Variants in DCAF8L1 observed in about 807,000 individuals in gnomAD.
DCAF8L1 encodes DDB1 and CUL4 associated factor 8 like 1, also known as DDB1- and CUL4-associated factor 8-like protein 1.
For missense variants in DCAF8L1, 434 were observed against 481.6 expected (o/e 0.90, Z 0.92); for synonymous variants, 217 against 186.8 (o/e 1.16, Z -1.32).
Position 27,980,655 on chromosome X carries a change from C to T in DCAF8L1, c.680G>A (p.Arg227Gln), listed in dbSNP as rs139420081. ...DLRVIVWDWV[R>Q]QKPVLNFESG... ...CTCAAAGTTCAGTACTGGCTTCTGC[C>T]GCACCCAGTCCCACACTATCACCCT... Residue 227 changes from arginine to glutamine, a missense_variant, in exon 1 of 1, where the codon CGG (arginine) becomes CAG (glutamine). By Grantham distance (43) the Arg-to-Gln change is conservative. Coordinates refer to ENST00000441525, the MANE Select transcript of DCAF8L1 (RefSeq NM_001017930.2). 4 of 1,210,535 alleles carry T rather than the reference C, an allele frequency of 3.3e-6. No individual in the cohort carries two copies. The African/African-American group carries it at 5.2e-5, about 16-fold the overall frequency.
Position 27,979,384 on chromosome X carries a change from TAAGTTGTGTATGC to T in DCAF8L1, c.*135_*147del. Reference sequence around the variant, plus strand: ...GGGAACAAAGGAAAAGAGGCATAAATAAGTTGTGTATGCACTCATATAAGGGGTAACAAAAACA... The same window carrying T: ...GGGAACAAAGGAAAAGAGGCATAAATACTCATATAAGGGGTAACAAAAACA... On this transcript the variant is annotated 3_prime_UTR_variant, in exon 1 of 1. Transcript: ENST00000441525. The T allele has an allele frequency of 1.4e-6, 1 of 721,339 alleles. No homozygotes were observed. The highest frequency in any genetic ancestry group is 1.9e-6 in the Non-Finnish European group (1 of 532,461). 59.4% of individuals were successfully genotyped at this position (721,339 alleles called of 1,213,427 possible). A position where few individuals can be genotyped will look rare whatever the true frequency, so the allele number is the denominator to read the frequency against.
chrX:27,980,432 C>G lies in DCAF8L1; in HGVS notation c.903G>C (p.Lys301Asn). The G allele has an allele frequency of 1.7e-6, 2 of 1,212,116 alleles. No individual in the cohort carries two copies. The highest frequency in any genetic ancestry group is 2.2e-6 in the Non-Finnish European group (2 of 895,610). Residue 301 changes from lysine (K) to asparagine (N), a missense_variant, in exon 1 of 1, where the codon AAG becomes AAC. By Grantham distance (94) the Lys-to-Asn change is moderately conservative. Coordinates refer to ENST00000441525, the MANE Select transcript of DCAF8L1 (RefSeq NM_001017930.2). Reference sequence around the variant, plus strand: ...CGGCATCTTCACCTGAAGTGAGGAACTTATAAGGAGAGTCTGGCTCCAGAG... The same window carrying G: ...CGGCATCTTCACCTGAAGTGAGGAAGTTATAAGGAGAGTCTGGCTCCAGAG... ...ELALEPDSPYKFLTSGEDAVV... is the reference protein window; with the variant it reads ...ELALEPDSPYNFLTSGEDAVV...
chrX:27,979,675 G>C lies in DCAF8L1; in HGVS notation c.1660C>G (p.His554Asp), dbSNP rs1926595064. 1.7e-6 allele frequency: 2 copies of C among 1,211,695 alleles called. No individual in the cohort carries two copies. The highest frequency in any genetic ancestry group is 1.7e-5 in the African/African-American group (1 of 57,797). Residue 554 changes from histidine (H) to aspartate (D), a missense_variant, in exon 1 of 1, where the codon CAC becomes GAC. His to Asp is a moderately conservative substitution (Grantham distance 81). Transcript: ENST00000441525. ...DNRMLRFFVR[H>D]LLQRAHQPGW... ...GGTTGATGAGCTCTCTGTAACAGGTGACGCACGAAGAACCGAAGCATGCGG... is the reference window on the plus strand; with the variant it reads ...GGTTGATGAGCTCTCTGTAACAGGTCACGCACGAAGAACCGAAGCATGCGG...
Position 27,979,565 on chromosome X carries a change from C to G in DCAF8L1, c.1770G>C (p.Glu590Asp), listed in dbSNP as rs750231027. 9.1e-6 allele frequency: 11 copies of G among 1,207,764 alleles called. No individual in the cohort carries two copies. In the African/African-American group the frequency reaches 1.9e-4, roughly 21 times the overall value. ...SSSTSDTSEE[E>D]GQDRVQCIPS ...GTATGCACTGCACTCGATCTTGGCC[C>G]TCCTCCTCGGATGTATCTGAGGTGC... The change falls in exon 1 of 1, where the codon GAG (glutamate) becomes GAC (aspartate). Residue 590 changes from glutamate (E) to aspartate (D), a missense_variant. Physicochemically the swap from Glu to Asp is conservative, Grantham distance 45. Transcript: ENST00000441525.
chrX:27,980,380 C>T lies in DCAF8L1; in HGVS notation c.955G>A (p.Asp319Asn). The T allele has an allele frequency of 8.3e-7, 1 of 1,212,121 alleles. No individual in the cohort carries two copies. Among genetic ancestry groups the T allele is most frequent in the Non-Finnish European group, 1.1e-6 (1 of 895,599 alleles). ...AVVFTIDLRQ[D>N]RPASKVVVTR... ...ACCACAACTTTTGAAGCTGGCCGGTCTTGCCTGAGGTCAATGGTGAACACA... is the reference window on the plus strand; with the variant it reads ...ACCACAACTTTTGAAGCTGGCCGGTTTTGCCTGAGGTCAATGGTGAACACA... Residue 319 changes from aspartate (D) to asparagine (N), a missense_variant, in exon 1 of 1, where the codon GAC (aspartate) becomes AAC (asparagine). Asp to Asn is a conservative substitution (Grantham distance 23). Transcript: ENST00000441525.
chrX:27,981,033 T>A lies in DCAF8L1; in HGVS notation c.302A>T (p.Glu101Val). Reference sequence around the variant, plus strand: ...CTCCTCCATCTCTTCTTCTTCCTCCTCCCTTTCTGTCTCCTCTCCCACTAA... The same window carrying A: ...CTCCTCCATCTCTTCTTCTTCCTCCACCCTTTCTGTCTCCTCTCCCACTAA... The part of the protein sequence containing the change: ...YPLVGEETER[E>V]EEEEEMEEEG... The change falls in exon 1 of 1, where the codon GAG (glutamate) becomes GTG (valine). Residue 101 changes from glutamate to valine, a missense_variant. Glu to Val is a moderately radical substitution (Grantham distance 121). Coordinates refer to ENST00000441525, the MANE Select transcript of DCAF8L1 (RefSeq NM_001017930.2). The A allele has an allele frequency of 8.3e-7, 1 of 1,211,645 alleles. No homozygotes were observed. Among genetic ancestry groups the A allele is most frequent in the South Asian group, 1.8e-5 (1 of 57,000 alleles).
Position 27,980,723 on chromosome X carries a change from A to G in DCAF8L1, c.612T>C (p.Phe204=), listed in dbSNP as rs1440813776. 4 of 1,209,758 alleles carry G rather than the reference A, an allele frequency of 3.3e-6. No homozygotes were observed. Among genetic ancestry groups the G allele is most frequent in the Non-Finnish European group, 4.5e-6 (4 of 894,976 alleles). Residue 204 remains phenylalanine (F), a synonymous_variant, in exon 1 of 1, where the codon TTT becomes TTC. Coordinates refer to ENST00000441525, the MANE Select transcript of DCAF8L1 (RefSeq NM_001017930.2). Reference sequence around the variant, plus strand: ...TGGCCAGTCGGGTGCCACGCTGGTTAAAGTGTATGGTACTGACAGAACCGG... The same window carrying G: ...TGGCCAGTCGGGTGCCACGCTGGTTGAAGTGTATGGTACTGACAGAACCGG... ...SHAGSVSTIH[F]NQRGTRLASS...
rs1926656429 is a variant in DCAF8L1, at chrX:27,981,438, C to T, written c.-104G>A. The T allele has an allele frequency of 2.4e-5, 25 of 1,059,279 alleles. No individual in the cohort carries two copies. In the South Asian group the frequency reaches 5.5e-4, roughly 23 times the overall value. 87.3% of individuals were successfully genotyped at this position (1,059,279 alleles called of 1,213,427 possible). A position where few individuals can be genotyped will look rare whatever the true frequency, so the allele number is the denominator to read the frequency against. ...CCCGAGGACGGACGGTCGGAGAAGG[C>T]AGTAGGTAAGCAGCAAAGAGACACC... On this transcript the variant is annotated 5_prime_UTR_variant, in exon 1 of 1. Coordinates refer to ENST00000441525, the MANE Select transcript of DCAF8L1 (RefSeq NM_001017930.2).
In DCAF8L1 at chrX:27,980,817, A is replaced by T; in HGVS notation, c.518T>A (p.Val173Glu). The T allele has an allele frequency of 8.3e-7, 1 of 1,210,183 alleles. No individual in the cohort carries two copies. Among genetic ancestry groups the T allele is most frequent in the East Asian group, 3.0e-5 (1 of 33,687 alleles). Residue 173 changes from valine to glutamate, a missense_variant, in exon 1 of 1, where the codon GTA becomes GAA. Coordinates refer to ENST00000441525, the MANE Select transcript of DCAF8L1 (RefSeq NM_001017930.2). ...QRQLGSSARF[V>E]YEACGARTFV... ...GGTTCTTGCCCCACAGGCCTCATAT[A>T]CAAAGCGGGCACTTGAACCCAGCTG...
Position 27,979,508 on chromosome X carries a change from C to G in DCAF8L1, c.*24G>C. ...AAAGTCCAGTGTACTTAGGTGGCAT[C>G]TAGCTGGACTGGATATGAGGCCTTC... On this transcript the variant is annotated 3_prime_UTR_variant, in exon 1 of 1. Coordinates refer to ENST00000441525, the MANE Select transcript of DCAF8L1 (RefSeq NM_001017930.2). 4 of 1,156,811 alleles carry G rather than the reference C, an allele frequency of 3.5e-6. No individual in the cohort carries two copies. The highest frequency in any genetic ancestry group is 1.8e-5 in the African/African-American group (1 of 55,966).
At position 27,979,766 on chromosome X, in the gene DCAF8L1, A is replaced by T. The variant is rs1280717513; in HGVS notation, c.1569T>A (p.Asp523Glu). The change falls in exon 1 of 1, where the codon GAT (aspartate) becomes GAA (glutamate). Residue 523 changes from aspartate (D) to glutamate (E), a missense_variant. Transcript: ENST00000441525. ...KTATELTGLK[D>E]VIKKNKQERD... ...GCTCCTGCTTGTTCTTCTTAATCACATCTTTTAACCCAGTAAGCTCAGTGG... is the reference window on the plus strand; with the variant it reads ...GCTCCTGCTTGTTCTTCTTAATCACTTCTTTTAACCCAGTAAGCTCAGTGG... 26 of 1,208,220 alleles carry T rather than the reference A, an allele frequency of 2.2e-5. No individual in the cohort carries two copies. Among genetic ancestry groups the T allele is most frequent in the Non-Finnish European group, 2.8e-5 (25 of 894,521 alleles).
rs749300787 is a variant in DCAF8L1 at position 27,981,010 on chromosome X, C to T, written c.325G>A (p.Glu109Lys). ...GGCTGTTCTTCCTCCTCCCCTTCCT[C>T]CTCCATCTCTTCTTCTTCCTCCTCC... ...EREEEEEEME[E>K]EGEEEEQPRM... The change falls in exon 1 of 1, where the codon GAG (glutamate) becomes AAG (lysine). Residue 109 changes from glutamate to lysine, a missense_variant. Physicochemically the swap from Glu to Lys is moderately conservative, Grantham distance 56. Transcript: ENST00000441525. 1.7e-5 allele frequency: 21 copies of T among 1,212,013 alleles called. No homozygotes were observed. In the South Asian group the frequency reaches 3.7e-4, roughly 21 times the overall value.
rs1465260468 is a variant in DCAF8L1 at position 27,979,572 on chromosome X, T to A, written c.1763A>T (p.Glu588Val). 8.3e-7 allele frequency: 1 copy of A among 1,208,907 alleles called. No homozygotes were observed. The highest frequency in any genetic ancestry group is 1.1e-6 in the Non-Finnish European group (1 of 894,553). Residue 588 changes from glutamate (E) to valine (V), a missense_variant, in exon 1 of 1, where the codon GAG becomes GTG. Glu to Val is a moderately radical substitution (Grantham distance 121). Coordinates refer to ENST00000441525, the MANE Select transcript of DCAF8L1 (RefSeq NM_001017930.2). ...CTGCACTCGATCTTGGCCCTCCTCC[T>A]CGGATGTATCTGAGGTGCTGGAAGA... ...DESSSTSDTS[E>V]EEGQDRVQCI... is the part of the protein sequence containing the mutation.
chrX:27,979,109 C>T lies in DCAF8L1; in HGVS notation c.*423G>A, dbSNP rs902616898. 1.7e-5 allele frequency: 5 copies of T among 302,058 alleles called. No individual in the cohort carries two copies. The Admixed American group carries it at 2.1e-4, about 13-fold the overall frequency. 24.9% of individuals were successfully genotyped at this position (302,058 alleles called of 1,213,427 possible). ...TAATCTACACACTACTTCTCTTTTC[C>T]TTTTCTGAGACTGTGTGTATGTGTG... On this transcript the variant is annotated 3_prime_UTR_variant, in exon 1 of 1. Transcript: ENST00000441525.
chrX:27,979,264 G>A lies in DCAF8L1; in HGVS notation c.*268C>T, dbSNP rs1602933338. The stretch of plus-strand genomic sequence containing the variant: ...TGGTAAAAAATGAAAAAACTAAAAA[G>A]TAATAGCTTTCAGAATGTCTGAAAT... On this transcript the variant is annotated 3_prime_UTR_variant, in exon 1 of 1. Coordinates refer to ENST00000441525, the MANE Select transcript of DCAF8L1 (RefSeq NM_001017930.2). 3.2e-6 allele frequency: 1 copy of A among 316,869 alleles called. No individual in the cohort carries two copies. Among genetic ancestry groups the A allele is most frequent in the Non-Finnish European group, 5.3e-6 (1 of 187,976 alleles). The allele number at this position is 316,869 out of a possible 1,213,427, so 26.1% of individuals were successfully genotyped here. A position where few individuals can be genotyped will look rare whatever the true frequency, so the allele number is the denominator to read the frequency against.
rs1416083266 is a variant in DCAF8L1 at position 27,980,630 on chromosome X, C to T, written c.705G>A (p.Glu235=). Residue 235 remains glutamate, a synonymous_variant, in exon 1 of 1, where the codon GAG becomes GAA. Coordinates refer to ENST00000441525, the MANE Select transcript of DCAF8L1 (RefSeq NM_001017930.2). The part of the protein sequence containing the change: ...WVRQKPVLNF[E]SGHDINVIQA... ...GGATGACATTAATATCGTGACCACT[C>T]TCAAAGTTCAGTACTGGCTTCTGCC... 1.6e-6 allele frequency: 2 copies of T among 1,212,267 alleles called. No homozygotes were observed. The highest frequency in any genetic ancestry group is 2.2e-5 in the Admixed American group (1 of 46,080).
chrX:27,978,737 A>G lies in DCAF8L1; in HGVS notation c.*795T>C. Reference sequence around the variant, plus strand: ...GAATTATCTGGTTAGGAATTCATCTACACACTACTTCTTGTTTTCCTTTTC... The same window carrying G: ...GAATTATCTGGTTAGGAATTCATCTGCACACTACTTCTTGTTTTCCTTTTC... On this transcript the variant is annotated 3_prime_UTR_variant, in exon 1 of 1. Coordinates refer to ENST00000441525, the MANE Select transcript of DCAF8L1 (RefSeq NM_001017930.2). 2.1e-6 allele frequency: 1 copy of G among 466,671 alleles called. No individual in the cohort carries two copies. The highest frequency in any genetic ancestry group is 3.5e-6 in the Non-Finnish European group (1 of 284,282). 38.5% of individuals were successfully genotyped at this position (466,671 alleles called of 1,213,427 possible).
Position 27,980,742 on chromosome X carries a change from G to T in DCAF8L1, c.593C>A (p.Ser198Tyr). ...CTGGTTAAAGTGTATGGTACTGACAGAACCGGCATGGCTTCCAAGAAGATA... is the reference window on the plus strand; with the variant it reads ...CTGGTTAAAGTGTATGGTACTGACATAACCGGCATGGCTTCCAAGAAGATA... ...LQYLLGSHAGSVSTIHFNQRG... is the reference protein window; with the variant it reads ...LQYLLGSHAGYVSTIHFNQRG... Residue 198 changes from serine to tyrosine, a missense_variant, in exon 1 of 1, where the codon TCT (serine) becomes TAT (tyrosine). Physicochemically the swap from Ser to Tyr is moderately radical, Grantham distance 144 (BLOSUM62 -2). Transcript: ENST00000441525. 8.3e-7 allele frequency: 1 copy of T among 1,210,559 alleles called. No individual in the cohort carries two copies. Among genetic ancestry groups the T allele is most frequent in the Non-Finnish European group, 1.1e-6 (1 of 894,743 alleles).
At position 27,978,857 on chromosome X, in the gene DCAF8L1, C is replaced by T; in HGVS notation, c.*675G>A. On this transcript the variant is annotated 3_prime_UTR_variant, in exon 1 of 1. Transcript: ENST00000441525. ...GCAGGTGATGTTTGTTGGAAAATCA[C>T]AATTAACCAGATGATGAAGAGTGAA... is the stretch of plus-strand genomic sequence containing the variant. 1 of 907,684 alleles carries T rather than the reference C, an allele frequency of 1.1e-6. No individual in the cohort carries two copies. The highest frequency in any genetic ancestry group is 1.6e-6 in the Non-Finnish European group (1 of 629,283). 74.8% of individuals were successfully genotyped at this position (907,684 alleles called of 1,213,427 possible).
Sources: allele counts gnomAD v4.1 joint callset, GRCh38; gene constraint gnomAD v4.1.1; transcripts MANE v1.5; gene names NCBI Gene and HGNC (gene_info 2026-07-23, HGNC 2026-07-21).